GAPDH: variants seen among roughly 807,000 people sequenced by gnomAD.
GAPDH encodes OCAS, p38 component.
Under a neutral mutation model 31.2 loss-of-function variants are expected in GAPDH, and 13 were observed. The observed-to-expected ratio is 0.42, with a 90% CI of 0.27 to 0.66. GAPDH has a LOEUF of 0.66. Among genes scored for constraint, GAPDH ranks in the 30% least tolerant of loss-of-function variants. GAPDH has a pLI of 0.26. For synonymous variants in GAPDH, 211 were observed against 166.9 expected, an observed-to-expected ratio of 1.26 and a Z score of -2.04; for missense variants, 300 against 443.7, an observed-to-expected ratio of 0.68 and a Z score of 2.91.
intron 2 of GAPDH, 97 bp downstream of exon 2, chr12:6,534,958 G>T: frequency 1.5e-6 from 2 of 1,336,054 alleles, no homozygotes; most frequent in Middle Eastern, 1.8e-4. Flanking sequence ...TCGTATGGGG[G>T]CAGGGTAGCT....
chr12:6,535,365 TC>T lies in GAPDH; in HGVS notation c.29+506del, dbSNP rs138781672. The T allele has an allele frequency of 2.6e-3, 2,600 of 990,382 alleles. 53 individuals carry two copies. In the African/African-American group the frequency reaches 0.04, roughly 15 times the overall value. 61.3% of individuals were successfully genotyped at this position (990,382 alleles called of 1,614,324 possible). The stretch of plus-strand genomic sequence containing the variant: ...AGCCTGCCGGTGACTAACCCTGCGC[TC>T]CTGCCTCGATGGGTGGAGTCGCGTG... On this transcript the variant is annotated intron_variant, in intron 2 of 8. Transcript: ENST00000229239.
chr12:6,536,346 C>T, intron 2 of GAPDH, 148 bp from the exon 3 acceptor site: 2 of 653,788 alleles, frequency 3.1e-6, no homozygotes, highest in Non-Finnish European at 5.4e-6. Context: ...GGCAGGGAAG[C>T]TCAAGGGAGA....
Position 6,538,268 on chromosome 12 carries a change from A to C in GAPDH, c.*98A>C. 10 of 992,826 alleles carry C rather than the reference A, an allele frequency of 1.0e-5. No individual in the cohort carries two copies. The Admixed American group carries it at 1.7e-4, about 17-fold the overall frequency. The allele number at this position is 992,826 out of a possible 1,614,324, so 61.5% of individuals were successfully genotyped here. The stretch of plus-strand genomic sequence containing the variant: ...CACACTCAGTCCCCCACCACACTGA[A>C]TCTCCCCTCCTCACAGTTGCCATGT... On this transcript the variant is annotated 3_prime_UTR_variant, in exon 9 of 9. Transcript: ENST00000229239.
rs1458565833 is a variant in GAPDH at position 6,536,588 on chromosome 12, T to C, written c.124T>C (p.Tyr42His). 6.2e-7 allele frequency: 1 copy of C among 1,613,142 alleles called. No homozygotes were observed. Among genetic ancestry groups the C allele is most frequent in the South Asian group, 1.1e-5 (1 of 91,052 alleles). ...AINDPFIDLNYMVYMFQYDST... is the reference protein window; with the variant it reads ...AINDPFIDLNHMVYMFQYDST... Reference sequence around the variant, plus strand: ...CAATGACCCCTTCATTGACCTCAACTACATGGTGAGTGCTACATGGTGAGC... The same window carrying C: ...CAATGACCCCTTCATTGACCTCAACCACATGGTGAGTGCTACATGGTGAGC... Residue 42 changes from tyrosine to histidine, a missense_variant, in exon 3 of 9, where the codon TAC becomes CAC. Coordinates refer to ENST00000229239, the MANE Select transcript of GAPDH (RefSeq NM_002046.7).
At chr12:6,535,290 C>A (rs1487900462) in intron 2 of GAPDH, 2 of 1,008,504 alleles carry the variant, frequency 2.0e-6, no homozygotes, top group East Asian at 9.6e-5. Context: ...TGCGGTAGAG[C>A]GGCCGCCATG....
chr12:6,535,112 A>G (rs1946433290), intron 2 of GAPDH: 2 of 782,254 alleles, frequency 2.6e-6, no homozygotes, highest in Non-Finnish European at 3.6e-6. Flanking sequence ...GGAGGTCCCT[A>G]CTCCCGCCCG....
chr12:6,537,728 CTG>C lies in GAPDH; in HGVS notation c.671_672del (p.Leu224GlnfsTer32). 4 of 1,611,710 alleles carry C rather than the reference CTG, an allele frequency of 2.5e-6. No individual in the cohort carries two copies. The highest frequency in any genetic ancestry group is 3.4e-6 in the Non-Finnish European group (4 of 1,179,862). On this transcript the variant is annotated frameshift_variant, in exon 8 of 9. Transcript: ENST00000229239. LOFTEE classifies it high-confidence loss of function. This position sits in a 1 kb window ranked among gnomAD's most constrained non-coding sequence, Gnocchi z 4.9. ...GGCTGTGGGCAAGGTCATCCCTGAG[CTG>C]AACGGGAAGCTCACTGGCATGGCCT... ...AKAVGKVIPE[L>X]NGKLTGMAFR... is the part of the protein sequence containing the mutation.
At chr12:6,535,879 A>G (rs189654310) in intron 2 of GAPDH, among the ~76,000 whole-genome samples, 1 of 152,156 alleles carries the variant, frequency 6.6e-6, no homozygotes, top group African/African-American at 2.4e-5. Context: ...CCTTCTCCCC[A>G]CACACATGCA....
chr12:6,538,074 G>A (rs1946528267), intron 8 of GAPDH, 27 bp from the exon 9 acceptor site: 1 of 1,599,284 alleles, frequency 6.3e-7, no homozygotes, highest in Non-Finnish European at 8.5e-7. Context: ...CAGAAAAAGG[G>A]CCCTGACAAC....
chr12:6,537,173 G>A lies in GAPDH; in HGVS notation c.400G>A (p.Gly134Ser), dbSNP rs771766319. The A allele has an allele frequency of 6.2e-7, 1 of 1,613,460 alleles. No individual in the cohort carries two copies. Among genetic ancestry groups the A allele is most frequent in the Non-Finnish European group, 8.5e-7 (1 of 1,179,986 alleles). Residue 134 changes from glycine (G) to serine (S), a missense_variant, in exon 6 of 9, where the codon GGT (glycine) becomes AGT (serine). Gly to Ser is a moderately conservative substitution (Grantham distance 56, BLOSUM62 0). Transcript: ENST00000229239. The surrounding 1 kb of genome is among the most constrained non-coding windows in gnomAD (Gnocchi z 4.9). ...TGCTGATGCCCCCATGTTCGTCATG[G>A]GTGTGAACCATGAGAAGTATGACAA... ...PSADAPMFVMGVNHEKYDNSL... is the reference protein window; with the variant it reads ...PSADAPMFVMSVNHEKYDNSL...
Position 6,538,168 on chromosome 12 carries a change from T to G in GAPDH, c.1006T>G (p.Ter336GluextTer?). ...DLMAHMASKE[*>E] Reference sequence around the variant, plus strand: ...CATGGCCCACATGGCCTCCAAGGAGTAAGACCCCTGGACCACCAGCCCCAG... The same window carrying G: ...CATGGCCCACATGGCCTCCAAGGAGGAAGACCCCTGGACCACCAGCCCCAG... The change falls in exon 9 of 9, where the codon TAA becomes GAA. Residue 336 changes from the stop codon to glutamate, a stop_lost. Transcript: ENST00000229239. 1.2e-6 allele frequency: 2 copies of G among 1,606,958 alleles called. No individual in the cohort carries two copies. The highest frequency in any genetic ancestry group is 1.7e-6 in the Non-Finnish European group (2 of 1,179,134).
chr12:6,535,280 T>C, intron 2 of GAPDH: 2 of 1,013,928 alleles, frequency 2.0e-6, no homozygotes, highest in Non-Finnish European at 2.4e-6. Context: ...ATGCTGCGCC[T>C]GCGGTAGAGC....
rs11549363 is a variant in GAPDH at position 6,536,989 on chromosome 12, C to T, written c.306C>T (p.Phe102=). 1 of 1,613,886 alleles carries T rather than the reference C, an allele frequency of 6.2e-7. No individual in the cohort carries two copies. Among genetic ancestry groups the T allele is most frequent in the Non-Finnish European group, 8.5e-7 (1 of 1,179,912 alleles). ...AEYVVESTGV[F]TTMEKAGAHL... ...ACGTCGTGGAGTCCACTGGCGTCTT[C>T]ACCACCATGGAGAAGGCTGGGGTGA... The change falls in exon 5 of 9, where the codon TTC becomes TTT. Residue 102 remains phenylalanine (F), a synonymous_variant. Coordinates refer to ENST00000229239, the MANE Select transcript of GAPDH (RefSeq NM_002046.7).
chr12:6,534,991 G>A, intron 2 of GAPDH, 130 bp downstream of exon 2: 1 of 1,113,128 alleles, frequency 9.0e-7, no homozygotes, highest in Non-Finnish European at 1.3e-6. Flanking sequence ...GAGAGCTCAA[G>A]GTCAGCGCTC....
chr12:6,538,078 T>G (rs1306770914), intron 8 of GAPDH, 23 bp from the exon 9 acceptor site: 1 of 1,597,568 alleles, frequency 6.3e-7, no homozygotes, highest in East Asian at 2.4e-5. Context: ...AAAAGGGCCC[T>G]GACAACTCTT....
Position 6,537,025 on chromosome 12 carries a change from G to A in GAPDH, c.327+15G>A. ...AGAAGGCTGGGGTGAGTGCAGGAGG[G>A]CCCGCGGGAGGGGAAGCTGACTCAG... On this transcript the variant is annotated intron_variant, in intron 5 of 8. Transcript: ENST00000229239. This position sits in a 1 kb window ranked among gnomAD's most constrained non-coding sequence, Gnocchi z 4.9. 1 of 1,610,648 alleles carries A rather than the reference G, an allele frequency of 6.2e-7. No homozygotes were observed. The highest frequency in any genetic ancestry group is 8.5e-7 in the Non-Finnish European group (1 of 1,178,470).
In GAPDH at chr12:6,537,979, T is replaced by C. The variant is rs751166351; in HGVS notation, c.921T>C (p.Phe307=). The change falls in exon 8 of 9, where the codon TTT becomes TTC. Residue 307 remains phenylalanine, a synonymous_variant. Coordinates refer to ENST00000229239, the MANE Select transcript of GAPDH (RefSeq NM_002046.7). The surrounding 1 kb of genome is among the most constrained non-coding windows in gnomAD (Gnocchi z 4.9). ...AGAGIALNDH[F]VKLISWYDNE... The stretch of plus-strand genomic sequence containing the variant: ...CTGGCATTGCCCTCAACGACCACTT[T>C]GTCAAGCTCATTTCCTGGTATGTGG... 1.2e-6 allele frequency: 2 copies of C among 1,613,130 alleles called. No individual in the cohort carries two copies. Among genetic ancestry groups the C allele is most frequent in the South Asian group, 1.1e-5 (1 of 91,076 alleles).
intron 4 of GAPDH, 30 bp from the exon 5 acceptor site, chr12:6,536,890 C>T (rs1306166070): frequency 1.3e-6 from 2 of 1,596,018 alleles, no homozygotes; most frequent in Non-Finnish European, 1.7e-6. Context: ...TCAATATGGT[C>T]CTGTCCCCAT....
chr12:6,537,692 G>A lies in GAPDH; in HGVS notation c.634G>A (p.Gly212Ser). ...CCAGAACATCATCCCTGCCTCTACT[G>A]GCGCTGCCAAGGCTGTGGGCAAGGT... ...ALQNIIPAST[G>S]AAKAVGKVIP... The change falls in exon 8 of 9, where the codon GGC becomes AGC. Residue 212 changes from glycine to serine, a missense_variant. By Grantham distance (56) the Gly-to-Ser change is moderately conservative (BLOSUM62 0). Transcript: ENST00000229239. This position sits in a 1 kb window ranked among gnomAD's most constrained non-coding sequence, Gnocchi z 4.9. 6.2e-7 allele frequency: 1 copy of A among 1,611,656 alleles called. No individual in the cohort carries two copies.
Sources: gnomAD v4.1 joint callset for allele counts (sites outside exome capture counted in the v4.1 genomes callset) on GRCh38, gnomAD v4.1.1 for gene constraint, Gnocchi (gnomAD v3.1) non-coding constraint, MANE v1.5 for transcripts, NCBI Gene and HGNC (gene_info 2026-07-23, HGNC 2026-07-21) for gene names.